The following HEATR4 variants were observed in gnomAD, a reference collection of about 807,000 sequenced individuals.
HEATR4 encodes HEAT repeat containing 4, also known as HEAT repeat-containing protein 4.
A neutral mutation model predicts 108.8 loss-of-function variants in HEATR4; 95 were observed. The observed-to-expected ratio is 0.87, with a 90% confidence interval of 0.74 to 1.04. The LOEUF (loss-of-function observed/expected upper bound fraction) is 1.04. HEATR4 is among the 50% of genes least tolerant of loss of function. The pLI, the probability that HEATR4 is intolerant of heterozygous loss-of-function variation, is 0.00. For synonymous variants in HEATR4, 443 were observed against 459.4 expected (o/e 0.96, Z 0.46); for missense variants, 1,152 against 1,253.8 (o/e 0.92, Z 1.23).
Position 73,492,384 on chromosome 14 carries a change from G to A in HEATR4, c.2844+682C>T. On this transcript the variant is annotated intron_variant, in intron 17 of 17. Coordinates refer to ENST00000553558, the MANE Select transcript of HEATR4 (RefSeq NM_001220484.1). This position sits in a 1 kb window ranked among gnomAD's most constrained non-coding sequence, Gnocchi z 4.9. ...GTGGAGTTTCGGAGGGGTCTGCCCC[G>A]AGACTTCATGGATTACATGGGGGCC... The A allele has an allele frequency of 1.2e-6, 2 of 1,613,868 alleles. No individual in the cohort carries two copies. Among genetic ancestry groups the A allele is most frequent in the African/African-American group, 1.3e-5 (1 of 75,030 alleles).
At chr14:73,563,162 G>C (rs149312740), upstream of HEATR4, among the ~76,000 whole-genome samples, 9,914 of 145,302 alleles carry the variant, frequency 0.068, 436 homozygotes, top group Admixed American at 0.12. Flanking sequence ...AGCGGCCCAG[G>C]TGTAAAATTC....
At chr14:73,525,327 T>C (rs1595139187) in intron 2 of HEATR4, among the ~76,000 whole-genome samples, 1 of 152,158 alleles carries the variant, frequency 6.6e-6, no homozygotes, top group Admixed American at 6.5e-5. Flanking sequence ...GCTACAGCAC[T>C]CAGCAAAGGC....
In HEATR4 at chr14:73,492,464, G is replaced by T; in HGVS notation, c.2844+602C>A. The T allele has an allele frequency of 1.9e-6, 3 of 1,613,834 alleles. No homozygotes were observed. Among genetic ancestry groups the T allele is most frequent in the Non-Finnish European group, 2.5e-6 (3 of 1,179,834 alleles). ...AACCGCTTTCATGGAGAAGGTGCGG[G>T]TCTTGGTTGCCCGCCTGGGACACTT... On this transcript the variant is annotated intron_variant, in intron 17 of 17. Coordinates refer to ENST00000553558, the MANE Select transcript of HEATR4 (RefSeq NM_001220484.1). The surrounding 1 kb of genome is among the most constrained non-coding windows in gnomAD (Gnocchi z 4.9).
upstream of HEATR4, among the ~76,000 whole-genome samples, chr14:73,563,330 C>T (rs1403156986): frequency 6.6e-6 from 1 of 152,102 alleles, no homozygotes; most frequent in Admixed American, 6.6e-5. Context: ...CGCAGTGGCT[C>T]ACGCCTATAA....
At chr14:73,486,692 T>C (rs1885465800) in intron 17 of HEATR4, among the ~76,000 whole-genome samples, 1 of 147,440 alleles carries the variant, frequency 6.8e-6, no homozygotes. Context: ...AGTGAGACTC[T>C]GTCTTGAAAA....
chr14:73,593,598 C>T, the HEATR4 span: 7 of 1,117,948 alleles, frequency 6.3e-6, no homozygotes, highest in Non-Finnish European at 8.9e-6. Context: ...CTGCCTTGGC[C>T]TCCTAAAGTG....
the HEATR4 span, chr14:73,617,094 C>T: frequency 6.3e-7 from 1 of 1,576,640 alleles, no homozygotes; most frequent in African/African-American, 1.4e-5. Flanking sequence ...TGTGCTTGCC[C>T]TGGCTTATTT....
chr14:73,491,181 C>T, intron 17 of HEATR4: 4 of 1,598,976 alleles, frequency 2.5e-6, no homozygotes, highest in Middle Eastern at 1.7e-4. Flanking sequence ...GCGCTGAGGA[C>T]GCAGACGCTG....
At chr14:73,478,939 CTTTT>C (rs78544465) in intron 17 of HEATR4, 97 bp from the exon 18 acceptor site, 1 of 675,368 alleles carries the variant, frequency 1.5e-6, no homozygotes, top group South Asian at 2.6e-5. Flanking sequence ...AGGGTGTCTC[CTTTT>C]TTTTTTTCTT....
chr14:73,564,721 G>GTTTT, the HEATR4 span, among the ~76,000 whole-genome samples: 50 of 83,558 alleles, frequency 6.0e-4, 2 homozygotes, highest in Non-Finnish European at 7.8e-4. Flanking sequence ...TATCTTTTCT[G>GTTTT]TTTTTTGTTT....
the HEATR4 span, among the ~76,000 whole-genome samples, chr14:73,616,440 C>T: frequency 6.6e-6 from 1 of 151,828 alleles, no homozygotes; most frequent in Non-Finnish European, 1.5e-5. Context: ...CACCTGTAAT[C>T]GCAGCACTTT....
chr14:73,532,958 AAAAT>A (rs936303402), intron 1 of HEATR4, among the ~76,000 whole-genome samples: 1 of 111,556 alleles, frequency 9.0e-6, no homozygotes, highest in Non-Finnish European at 1.9e-5. Context: ...CCATCTCAAA[AAAAT>A]AAATAAATAA....
chr14:73,619,918 T>G, the HEATR4 span: 1 of 1,261,044 alleles, frequency 7.9e-7, no homozygotes, highest in Non-Finnish European at 1.1e-6. Flanking sequence ...CTTTCTTTTC[T>G]CTTTTTTTTT....
chr14:73,560,615 T>C (rs993921341), upstream of HEATR4, among the ~76,000 whole-genome samples: 4 of 150,644 alleles, frequency 2.7e-5, no homozygotes, highest in African/African-American at 7.3e-5. Flanking sequence ...TGAGCCGAGA[T>C]TGGGCCACTG....
At chr14:73,578,624 A>C in the HEATR4 span, among the ~76,000 whole-genome samples, 8 of 152,046 alleles carry the variant, frequency 5.3e-5, no homozygotes, top group Admixed American at 5.2e-4. Flanking sequence ...AAAGTTCATT[A>C]AACTAACATG....
intron 2 of HEATR4, among the ~76,000 whole-genome samples, chr14:73,528,392 CAAAAAAA>C (rs371875141): frequency 1.6e-4 from 14 of 88,496 alleles, no homozygotes; most frequent in South Asian, 5.2e-4. Flanking sequence ...AACTTCATCT[CAAAAAAA>C]AAAAAAAAAA....
At chr14:73,491,947 G>A (rs1250974176) in intron 17 of HEATR4, 5 of 1,613,774 alleles carry the variant, frequency 3.1e-6, no homozygotes, top group Non-Finnish European at 4.2e-6. Context: ...CTGTGTGGCA[G>A]TTTTTGGCTG....
In HEATR4 at chr14:73,495,310, C is replaced by T. The variant is rs756931027; in HGVS notation, c.2703G>A (p.Glu901=). 1.9e-6 allele frequency: 3 copies of T among 1,613,748 alleles called. No homozygotes were observed. In the South Asian group the frequency reaches 3.3e-5, roughly 18 times the overall value. Residue 901 remains glutamate, a synonymous_variant, in exon 16 of 18, where the codon GAG becomes GAA. Transcript: ENST00000553558. The part of the protein sequence containing the change: ...KLEMVMGKVR[E]EAKRVYLKPK... Reference sequence around the variant, plus strand: ...GTTTCAAGTAAACACGTTTTGCTTCCTCCCTCACTTTTCCCATGACCATCT... The same window carrying T: ...GTTTCAAGTAAACACGTTTTGCTTCTTCCCTCACTTTTCCCATGACCATCT...
intron 17 of HEATR4, among the ~76,000 whole-genome samples, chr14:73,489,090 C>G (rs1372516912): frequency 6.6e-6 from 1 of 150,808 alleles, no homozygotes; most frequent in East Asian, 1.9e-4. Context: ...TTGTAATAAA[C>G]CAGGATTTGT....
Sources: gnomAD v4.1 joint callset for allele counts (sites outside exome capture counted in the v4.1 genomes callset) on GRCh38, gnomAD v4.1.1 for gene constraint, Gnocchi (gnomAD v3.1) non-coding constraint, MANE v1.5 for transcripts, NCBI Gene and HGNC (gene_info 2026-07-23, HGNC 2026-07-21) for gene names.